The following DTWD2 variants were observed in gnomAD, a reference collection of about 807,000 sequenced individuals.
The protein encoded by DTWD2 is tRNA-uridine aminocarboxypropyltransferase 2.
Under a neutral mutation model 31.8 loss-of-function variants are expected in DTWD2, and 39 were observed. That is an observed-to-expected ratio of 1.22 (90% CI 0.95 to 1.60). The LOEUF (loss-of-function observed/expected upper bound fraction) is 1.60. DTWD2 is among the 40% of genes most tolerant of loss of function. The pLI is 0.00. For synonymous variants in DTWD2, 180 were observed against 142.8 expected (o/e 1.26, Z -1.86); for missense variants, 515 against 381.5 (o/e 1.35, Z -2.92).
chr5:118,887,799 T>G (rs1294799614), intron 4 of DTWD2, among the ~76,000 whole-genome samples: 2 of 152,144 alleles, frequency 1.3e-5, no homozygotes, highest in Non-Finnish European at 1.5e-5. Flanking sequence ...TTCTGTTTTG[T>G]TTTGGTTTGG....
chr5:118,879,071 C>T (rs1456235286), intron 4 of DTWD2, among the ~76,000 whole-genome samples: 1 of 152,140 alleles, frequency 6.6e-6, no homozygotes, highest in Non-Finnish European at 1.5e-5. Flanking sequence ...CTGTGAAAGG[C>T]AGTTTCGAGA....
chr5:118,972,860 C>T (rs1755019203), intron 1 of DTWD2, among the ~76,000 whole-genome samples: 1 of 152,144 alleles, frequency 6.6e-6, no homozygotes, highest in Non-Finnish European at 1.5e-5. Context: ...ATAAACAAAA[C>T]TAAAGACAAA....
In DTWD2 at chr5:118,887,212, G is replaced by A. The variant is rs184395872; in HGVS notation, c.598-38994C>T. On this transcript the variant is annotated intron_variant, in intron 4 of 5. Transcript: ENST00000510708. ...TAGGGGGTCTTTTAATTTAAAATTC[G>A]TGATAAAAATATTCTATTCTCTAAA... is the stretch of plus-strand genomic sequence containing the variant. Among the ~76,000 whole-genome samples the A allele has an allele frequency of 1.3e-4, 20 of 152,196 alleles. No homozygotes were observed. In the East Asian group the frequency reaches 3.7e-3, roughly 28 times the overall value.
chr5:118,983,384 A>C (rs1236537755), intron 1 of DTWD2, among the ~76,000 whole-genome samples: 1 of 152,230 alleles, frequency 6.6e-6, no homozygotes, highest in African/African-American at 2.4e-5. Context: ...ATTTTGAACT[A>C]TTAACAACTA....
chr5:118,882,432 G>C (rs1413600285), intron 4 of DTWD2, among the ~76,000 whole-genome samples: 1 of 152,222 alleles, frequency 6.6e-6, no homozygotes, highest in Admixed American at 6.5e-5. Context: ...CTTGAGGACA[G>C]TGGCCCTCTT....
intron 4 of DTWD2, among the ~76,000 whole-genome samples, chr5:118,878,060 A>C (rs1021540249): frequency 2.6e-5 from 4 of 152,232 alleles, no homozygotes; most frequent in Admixed American, 6.5e-5. Flanking sequence ...AAACAAATGG[A>C]AAAACATTAA....
Position 118,836,149 on chromosome 5 carries a change from T to A in DTWD2, c.*4768A>T, listed in dbSNP as rs528389098. Among the ~76,000 whole-genome samples the A allele has an allele frequency of 6.6e-6, 1 of 152,230 alleles. No individual in the cohort carries two copies. The highest frequency in any genetic ancestry group is 1.5e-5 in the Non-Finnish European group (1 of 68,040). The stretch of plus-strand genomic sequence containing the variant: ...CAGTAAGACATATAGTAAAATTTCT[T>A]ATTCGAATAATTTTTTTAAAAAACC... On this transcript the variant is annotated 3_prime_UTR_variant, in exon 6 of 6. Transcript: ENST00000510708.
chr5:118,986,927 T>TGTAATCCTAAG (rs1755441061), intron 1 of DTWD2, among the ~76,000 whole-genome samples: 1 of 152,208 alleles, frequency 6.6e-6, no homozygotes, highest in African/African-American at 2.4e-5. Flanking sequence ...TGGGGAAAAT[T>TGTAATCCTAAG]GTAATCCTAA....
chr5:118,854,720 C>T (rs1319639156), intron 4 of DTWD2, among the ~76,000 whole-genome samples: 1 of 152,054 alleles, frequency 6.6e-6, no homozygotes, highest in Non-Finnish European at 1.5e-5. Context: ...AGGTAGTCAA[C>T]TCAAGAAATA....
At chr5:118,916,758 A>C (rs1481627688) in intron 4 of DTWD2, among the ~76,000 whole-genome samples, 4 of 152,164 alleles carry the variant, frequency 2.6e-5, no homozygotes, top group Non-Finnish European at 4.4e-5. Flanking sequence ...ATGTGGAAGA[A>C]GCTTTCCTCA....
intron 1 of DTWD2, among the ~76,000 whole-genome samples, chr5:118,963,353 G>A (rs1383621046): frequency 1.3e-5 from 2 of 152,152 alleles, no homozygotes; most frequent in African/African-American, 2.4e-5. Flanking sequence ...TTTTCACAGA[G>A]ACAGAATAAC....
intron 3 of DTWD2, among the ~76,000 whole-genome samples, chr5:118,936,266 C>A (rs560043034): frequency 4.6e-5 from 7 of 152,078 alleles, no homozygotes; most frequent in Middle Eastern, 3.2e-3. Flanking sequence ...GGCCAGGAAT[C>A]GTGGCTCTCA....
chr5:118,869,840 T>C (rs1033062269), intron 4 of DTWD2, among the ~76,000 whole-genome samples: 3 of 152,206 alleles, frequency 2.0e-5, no homozygotes. Context: ...CATGCTGAAA[T>C]GTCTCATGCT....
intron 4 of DTWD2, among the ~76,000 whole-genome samples, chr5:118,910,767 G>GT (rs1306900603): frequency 6.6e-6 from 1 of 152,174 alleles, no homozygotes; most frequent in Admixed American, 6.5e-5. Flanking sequence ...AACAACAGAA[G>GT]TTTATTGTTC....
chr5:118,852,297 C>T (rs555373111), intron 4 of DTWD2, among the ~76,000 whole-genome samples: 28 of 152,218 alleles, frequency 1.8e-4, no homozygotes, highest in African/African-American at 6.3e-4. Context: ...GTACAGTTAA[C>T]GCAATCATCA....
At chr5:118,987,864 T>C (rs1435610186) in intron 1 of DTWD2, among the ~76,000 whole-genome samples, 3 of 152,192 alleles carry the variant, frequency 2.0e-5, no homozygotes, top group Admixed American at 6.5e-5. Context: ...GAAAAGGCCC[T>C]ATATTTAGAG....
chr5:118,882,390 T>G (rs1752761256), intron 4 of DTWD2, among the ~76,000 whole-genome samples: 1 of 152,196 alleles, frequency 6.6e-6, no homozygotes. Flanking sequence ...AGGTGCATGG[T>G]GCAAGCTGTC....
At chr5:118,874,820 C>T (rs529077069) in intron 4 of DTWD2, among the ~76,000 whole-genome samples, 1 of 152,246 alleles carries the variant, frequency 6.6e-6, no homozygotes, top group Non-Finnish European at 1.5e-5. Context: ...CTTCCCAAAG[C>T]TAGCTAGAGA....
intron 3 of DTWD2, among the ~76,000 whole-genome samples, chr5:118,937,963 G>A (rs56002637): frequency 0.49 from 36,964 of 76,038 alleles, 4,919 homozygotes; most frequent in South Asian, 0.62. Context: ...AACTATGTGA[G>A]GTGATAAATT....
Sources: gnomAD v4.1 joint callset for allele counts (sites outside exome capture counted in the v4.1 genomes callset) on GRCh38, gnomAD v4.1.1 for gene constraint, MANE v1.5 for transcripts, NCBI Gene and HGNC (gene_info 2026-07-23, HGNC 2026-07-21) for gene names.